Variants in PACRG observed in about 807,000 individuals in gnomAD.
PACRG encodes parkin coregulated.
PACRG carries 29 observed loss-of-function variants against 29.7 expected under a neutral mutation model. That is an observed-to-expected ratio of 0.98 (90% CI 0.73 to 1.33). The LOEUF (loss-of-function observed/expected upper bound fraction) is 1.33. PACRG is among the 40% of genes most tolerant of loss of function. The probability of loss-of-function intolerance (pLI) is 0.00; values close to 1 mark genes in which losing one functional copy is unlikely to be tolerated. For missense variants in PACRG, 279 were observed against 316.2 expected (o/e 0.88, Z 0.89); for synonymous variants, 116 against 118.7 (o/e 0.98, Z 0.15).
intron 4 of PACRG, among the ~76,000 whole-genome samples, chr6:163,181,489 C>T (rs1052675367): frequency 2.6e-5 from 4 of 151,530 alleles, no homozygotes; most frequent in African/African-American, 7.3e-5. Context: ...CTCTGTGTCT[C>T]GTGCCAGCGG....
chr6:163,006,157 A>G (rs1805085268), intron 2 of PACRG, among the ~76,000 whole-genome samples: 1 of 139,130 alleles, frequency 7.2e-6, no homozygotes, highest in Non-Finnish European at 1.5e-5. Context: ...ATAATATATT[A>G]TATATAATAT....
chr6:163,249,930 G>T (rs1442314175), intron 4 of PACRG, among the ~76,000 whole-genome samples: 1 of 152,170 alleles, frequency 6.6e-6, no homozygotes, highest in Non-Finnish European at 1.5e-5. Context: ...CTAAGTATTT[G>T]CACAAAGGCT....
Position 162,728,410 on chromosome 6 carries a change from T to C in PACRG, c.156+19T>C. ...CTCAGTCGTAAGTGATCTTCCTGAA[T>C]TAAATGCACTCGCTCTGAATCAGGG... On this transcript the variant is annotated intron_variant, in intron 1 of 4. Transcript: ENST00000366888. The C allele has an allele frequency of 6.2e-7, 1 of 1,607,010 alleles. No individual in the cohort carries two copies. The highest frequency in any genetic ancestry group is 8.5e-7 in the Non-Finnish European group (1 of 1,179,118).
chr6:162,806,636 TATTCA>T (rs570396951), intron 1 of PACRG, among the ~76,000 whole-genome samples: 1 of 152,080 alleles, frequency 6.6e-6, no homozygotes, highest in Non-Finnish European at 1.5e-5. Context: ...GGGCTGAAAA[TATTCA>T]ATAAACCATG....
In PACRG at chr6:163,132,747, A is replaced by T. The variant is rs563213944; in HGVS notation, c.613+43339A>T. ...GGCACTTATTAAATCCAGAAGAAAA[A>T]TACCTAAATAATTCTTACTTATATT... is the stretch of plus-strand genomic sequence containing the variant. On this transcript the variant is annotated intron_variant, in intron 4 of 4. Transcript: ENST00000366888. Among the ~76,000 whole-genome samples the T allele has an allele frequency of 1.0e-2, 1,519 of 152,324 alleles. 24 individuals carry two copies. Among genetic ancestry groups the T allele is most frequent in the African/African-American group, 0.035 (1,458 of 41,558 alleles).
chr6:162,958,874 TATATATATATAGAGAGAGAGAGAGAG>T (rs1475582471), intron 2 of PACRG, among the ~76,000 whole-genome samples: 2,177 of 44,108 alleles, frequency 0.049, 21 homozygotes, highest in Non-Finnish European at 0.065. Context: ...TATATATATA[TATATATATATAGAGAGAGAGAGAGAG>T]AGAGAGAGAG....
intron 2 of PACRG, among the ~76,000 whole-genome samples, chr6:162,907,511 A>G (rs946456125): frequency 2.6e-5 from 4 of 152,248 alleles, no homozygotes; most frequent in Middle Eastern, 3.4e-3. Context: ...ACATTTAGCC[A>G]TTAGATTTTA....
At chr6:163,038,278 A>G (rs978585498) in intron 2 of PACRG, among the ~76,000 whole-genome samples, 1 of 152,212 alleles carries the variant, frequency 6.6e-6, no homozygotes, top group Non-Finnish European at 1.5e-5. Flanking sequence ...AAAACTGGAG[A>G]AGTACTCCAG....
intron 4 of PACRG, among the ~76,000 whole-genome samples, chr6:163,240,543 C>G (rs1782458750): frequency 2.0e-5 from 3 of 152,224 alleles, no homozygotes; most frequent in South Asian, 4.2e-4. Context: ...TGACTCCCAC[C>G]TCCTTGGTCC....
intron 4 of PACRG, among the ~76,000 whole-genome samples, chr6:163,164,750 G>T (rs1778718032): frequency 6.6e-6 from 1 of 152,192 alleles, no homozygotes; most frequent in African/African-American, 2.4e-5. Flanking sequence ...TTGTGAACTA[G>T]ATAGGCCACA....
At position 162,784,918 on chromosome 6, in the gene PACRG, T is replaced by G. The variant is rs75034653; in HGVS notation, c.157-29229T>G. Among the ~76,000 whole-genome samples, 1,057 of 152,214 alleles carry G rather than the reference T, an allele frequency of 6.9e-3. 19 individuals carry two copies. The highest frequency in any genetic ancestry group is 0.024 in the African/African-American group (1,016 of 41,528). On this transcript the variant is annotated intron_variant, in intron 1 of 4. Transcript: ENST00000366888. ...ACAGAAAAATGGGAATGGAGATGTT[T>G]CAGTGATCAAAATCCTTACAGGTTT...
intron 2 of PACRG, among the ~76,000 whole-genome samples, chr6:162,913,921 G>A (rs116767473): frequency 0.014 from 2,062 of 151,914 alleles, 37 homozygotes; most frequent in African/African-American, 0.046. Flanking sequence ...ATTTTTATTA[G>A]GTTAATTGTT....
At position 163,256,367 on chromosome 6, in the gene PACRG, A is replaced by G. The variant is rs370238199; in HGVS notation, c.614-58460A>G. Among the ~76,000 whole-genome samples, 20 of 152,356 alleles carry G rather than the reference A, an allele frequency of 1.3e-4. No individual in the cohort carries two copies. The South Asian group carries it at 2.7e-3, about 21-fold the overall frequency. The stretch of plus-strand genomic sequence containing the variant: ...CAACAGTGAACAGCTTGGCTGTCAC[A>G]TCTGTACTTACAGAGGATTCTCGTT... On this transcript the variant is annotated intron_variant, in intron 4 of 4. Coordinates refer to ENST00000366888, the MANE Select transcript of PACRG (RefSeq NM_001080379.2).
intron 4 of PACRG, among the ~76,000 whole-genome samples, chr6:163,131,973 T>C (rs1816758954): frequency 6.6e-6 from 1 of 152,232 alleles, no homozygotes; most frequent in Non-Finnish European, 1.5e-5. Context: ...ACATGGCTCA[T>C]CTTCAAACTA....
intron 2 of PACRG, among the ~76,000 whole-genome samples, chr6:162,844,618 C>A (rs575449195): frequency 1.3e-5 from 2 of 152,330 alleles, no homozygotes; most frequent in East Asian, 3.9e-4. Flanking sequence ...CTTGGCTCCT[C>A]CCTTAACATC....
rs377623095 is a variant in PACRG, at chr6:163,108,467, A to G, written c.613+19059A>G. 4.3e-4 allele frequency among the ~76,000 whole-genome samples: 56 copies of G among 131,568 alleles called. 2 individuals carry two copies. In the East Asian group the frequency reaches 0.011, roughly 27 times the overall value. The allele number at this position is 131,568 out of a possible 152,430, so 86.3% of individuals were successfully genotyped here. ...TGGAACGCAGTGGTGCAGTCTCCTC[A>G]CACTGCAGCCTCTGCCTCCCAGGTT... On this transcript the variant is annotated intron_variant, in intron 4 of 4. Coordinates refer to ENST00000366888, the MANE Select transcript of PACRG (RefSeq NM_001080379.2).
chr6:163,129,175 G>A (rs1269125654), intron 4 of PACRG, among the ~76,000 whole-genome samples: 1 of 152,188 alleles, frequency 6.6e-6, no homozygotes, highest in East Asian at 1.9e-4. Context: ...CCTTAAATGA[G>A]AATGGGGGGG....
intron 4 of PACRG, among the ~76,000 whole-genome samples, chr6:163,107,311 A>C (rs1585222368): frequency 6.6e-6 from 1 of 152,214 alleles, no homozygotes; most frequent in South Asian, 2.1e-4. Flanking sequence ...TATAAGGCAG[A>C]GATGCATTGA....
chr6:162,788,179 C>G (rs1784661702), intron 1 of PACRG, among the ~76,000 whole-genome samples: 1 of 152,130 alleles, frequency 6.6e-6, no homozygotes, highest in Non-Finnish European at 1.5e-5. Context: ...TTTCTCCCTC[C>G]TCTGAATCCC....
Sources: gnomAD v4.1 joint callset for allele counts (sites outside exome capture counted in the v4.1 genomes callset) on GRCh38, gnomAD v4.1.1 for gene constraint, MANE v1.5 for transcripts, NCBI Gene and HGNC (gene_info 2026-07-23, HGNC 2026-07-21) for gene names.